Variants in VPS33B observed in about 807,000 individuals in gnomAD.
VPS33B encodes VPS33B late endosome and lysosome associated.
In VPS33B, 80 loss-of-function variants were observed where a neutral mutation model predicts 95.3. That is an observed-to-expected ratio of 0.84 (90% CI 0.70 to 1.01). The LOEUF is 1.01. Ranked by LOEUF, VPS33B falls within the 50% of genes least tolerant of loss-of-function variation. The probability of loss-of-function intolerance (pLI) is 0.00; values close to 1 mark genes in which losing one functional copy is unlikely to be tolerated. For missense variants in VPS33B, 715 were observed against 773.4 expected, an observed-to-expected ratio of 0.92 and a Z score of 0.90; for synonymous variants, 280 against 280.4, an observed-to-expected ratio of 1.00 and a Z score of 0.01.
Position 91,006,115 on chromosome 15 carries a change from T to G in VPS33B, c.853-56A>C. On this transcript the variant is annotated intron_variant, in intron 11 of 22. Coordinates refer to ENST00000333371, the MANE Select transcript of VPS33B (RefSeq NM_018668.5). This position sits in a 1 kb window ranked among gnomAD's most constrained non-coding sequence, Gnocchi z 5.4. ...CTCTGTCAGAACCATAACTTAGCAG[T>G]AGAATGACAGTACAGGAAGGGTACT... 1.3e-6 allele frequency: 2 copies of G among 1,586,444 alleles called. No individual in the cohort carries two copies. The highest frequency in any genetic ancestry group is 2.7e-5 in the African/African-American group (2 of 74,500).
In VPS33B at chr15:91,005,729, T is replaced by G; in HGVS notation, c.995A>C (p.Lys332Thr). The G allele has an allele frequency of 1.9e-6, 3 of 1,614,168 alleles. No individual in the cohort carries two copies. Among genetic ancestry groups the G allele is most frequent in the Non-Finnish European group, 2.5e-6 (3 of 1,180,014 alleles). ...QMKNFVSQELKGLKQEHRLLS... is the reference protein window; with the variant it reads ...QMKNFVSQELTGLKQEHRLLS... ...CAGGCGGTGCTCCTGTTTCAGGCCC[T>G]TGAGCTCCTGGGACACGAAATTCTT... The change falls in exon 13 of 23, where the codon AAG (lysine) becomes ACG (threonine). Residue 332 changes from lysine (K) to threonine (T), a missense_variant. Transcript: ENST00000333371. The surrounding 1 kb of genome is among the most constrained non-coding windows in gnomAD (Gnocchi z 6.4).
chr15:91,022,036 A>C, intron 1 of VPS33B, 118 bp downstream of exon 1: 1 of 1,163,418 alleles, frequency 8.6e-7, no homozygotes, highest in Non-Finnish European at 1.2e-6. Flanking sequence ...CTGCTGGGGA[A>C]GCGCCAAGGA....
At position 90,999,563 on chromosome 15, in the gene VPS33B, CCCGCCT is replaced by C; in HGVS notation, c.1774+108_1774+113del. The C allele has an allele frequency of 1.0e-5, 11 of 1,103,112 alleles. No homozygotes were observed. Among genetic ancestry groups the C allele is most frequent in the Non-Finnish European group, 1.5e-5 (11 of 726,604 alleles). 68.3% of individuals were successfully genotyped at this position (1,103,112 alleles called of 1,614,324 possible). The stretch of plus-strand genomic sequence containing the variant: ...CTAACTCCTGACCTCAGGTGATCTG[CCCGCCT>C]CCGCCTCCCAAAGTGCTGAGATTAC... On this transcript the variant is annotated intron_variant, in intron 22 of 22. Coordinates refer to ENST00000333371, the MANE Select transcript of VPS33B (RefSeq NM_018668.5). The surrounding 1 kb of genome is among the most constrained non-coding windows in gnomAD (Gnocchi z 5.1).
Position 91,017,368 on chromosome 15 carries a change from ATATATATATATATATATATAT to A in VPS33B, c.178-365_178-345del, listed in dbSNP as rs1356892172. 2.6e-3 allele frequency among the ~76,000 whole-genome samples: 93 copies of A among 35,256 alleles called. 24 individuals are homozygous for A. Among genetic ancestry groups the A allele is most frequent in the African/African-American group, 8.7e-3 (93 of 10,704 alleles). The allele number at this position is 35,256 out of a possible 152,430, so 23.1% of individuals were successfully genotyped here. A position where few individuals can be genotyped will look rare whatever the true frequency, so the allele number is the denominator to read the frequency against. On this transcript the variant is annotated intron_variant, in intron 2 of 22. Coordinates refer to ENST00000333371, the MANE Select transcript of VPS33B (RefSeq NM_018668.5). ...CAAGACTCCATCTCTACAAAATTAAATATATATATATATATATATATATATATATATATATATATATATATA... is the reference window on the plus strand; with the variant it reads ...CAAGACTCCATCTCTACAAAATTAAAATATATATATATATATATATATATA...
chr15:91,014,315 T>C, intron 4 of VPS33B, 69 bp downstream of exon 4: 2 of 1,535,418 alleles, frequency 1.3e-6, no homozygotes, highest in Non-Finnish European at 9.0e-7. Context: ...TAGAGGGTCC[T>C]TATGGCCAAG....
rs1409277471 is a variant in VPS33B, at chr15:91,007,899, G to C, written c.469C>G (p.Leu157Val). The C allele has an allele frequency of 1.2e-6, 2 of 1,614,218 alleles. No individual in the cohort carries two copies. The highest frequency in any genetic ancestry group is 2.2e-5 in the South Asian group (2 of 91,084). Residue 157 changes from leucine (L) to valine (V), a missense_variant, in exon 7 of 23, where the codon CTA becomes GTA. Physicochemically the swap from Leu to Val is conservative, Grantham distance 32 (BLOSUM62 1). Coordinates refer to ENST00000333371, the MANE Select transcript of VPS33B (RefSeq NM_018668.5). This position sits in a 1 kb window ranked among gnomAD's most constrained non-coding sequence, Gnocchi z 5.3. ...AAGTAATCCCTGAAAAATTCTGGTA[G>C]TTCCATGCTCAGCAGATCCACATCA... ...PLDVDLLSME[L>V]PEFFRDYFLE...
chr15:91,015,610 A>G lies in VPS33B; in HGVS notation c.240-1177T>C, dbSNP rs1168535328. Among the ~76,000 whole-genome samples the G allele has an allele frequency of 1.3e-5, 2 of 151,920 alleles. No individual in the cohort carries two copies. Among genetic ancestry groups the G allele is most frequent in the Non-Finnish European group, 2.9e-5 (2 of 67,964 alleles). ...AGAATTGCTTGAACCTGGGAGGCAG[A>G]TCCCGCCACTGCACTCCAACCTGGG... On this transcript the variant is annotated intron_variant, in intron 3 of 22. Transcript: ENST00000333371. The surrounding 1 kb of genome is among the most constrained non-coding windows in gnomAD (Gnocchi z 4.7).
chr15:91,020,605 G>A (rs1049705321), intron 1 of VPS33B, among the ~76,000 whole-genome samples: 4 of 152,232 alleles, frequency 2.6e-5, no homozygotes, highest in Admixed American at 6.5e-5. Flanking sequence ...AAGAAGCCGG[G>A]AGTGGTAGCT....
At chr15:91,008,220 TAGAGGGCTGACCAAA>T (rs1375729202) in intron 6 of VPS33B, among the ~76,000 whole-genome samples, 3 of 152,196 alleles carry the variant, frequency 2.0e-5, no homozygotes, top group Admixed American at 6.5e-5. Context: ...GGGTTTTTAC[TAGAGGGCTGACCAAA>T]AGTGCCGAGA....
At position 91,005,345 on chromosome 15, in the gene VPS33B, C is replaced by T. The variant is rs112056441; in HGVS notation, c.1105+35G>A. 6,505 of 1,614,088 alleles carry T rather than the reference C, an allele frequency of 4.0e-3. 246 individuals are homozygous for T. In the African/African-American group the frequency reaches 0.077, roughly 19 times the overall value. On this transcript the variant is annotated intron_variant, in intron 14 of 22. Transcript: ENST00000333371. This position sits in a 1 kb window ranked among gnomAD's most constrained non-coding sequence, Gnocchi z 6.4. Reference sequence around the variant, plus strand: ...GGGCTGGGAGCTGGGGAAGTAGAAGCGTGGGCAGTAGCACAGCAAGGCTGC... The same window carrying T: ...GGGCTGGGAGCTGGGGAAGTAGAAGTGTGGGCAGTAGCACAGCAAGGCTGC...
rs1000920719 is a variant in VPS33B, at chr15:91,018,004, G to A, written c.97-119C>T. 1.1e-5 allele frequency: 9 copies of A among 823,448 alleles called. No homozygotes were observed. The highest frequency in any genetic ancestry group is 2.2e-4 in the Middle Eastern group (1 of 4,450). 51.0% of individuals were successfully genotyped at this position (823,448 alleles called of 1,614,324 possible). ...CTGAGGTGGGAGGGCACTAAGTATC[G>A]TCTAGCCCGTCACCTTATTTATTAT... On this transcript the variant is annotated intron_variant, in intron 1 of 22. Transcript: ENST00000333371. This position sits in a 1 kb window ranked among gnomAD's most constrained non-coding sequence, Gnocchi z 4.7.
rs2040576855 is a variant in VPS33B at position 91,005,548 on chromosome 15, C to G, written c.1031-94G>C. 1 of 1,595,224 alleles carries G rather than the reference C, an allele frequency of 6.3e-7. No homozygotes were observed. The highest frequency in any genetic ancestry group is 8.6e-7 in the Non-Finnish European group (1 of 1,163,222). On this transcript the variant is annotated intron_variant, in intron 13 of 22. Coordinates refer to ENST00000333371, the MANE Select transcript of VPS33B (RefSeq NM_018668.5). This position sits in a 1 kb window ranked among gnomAD's most constrained non-coding sequence, Gnocchi z 6.4. ...AATAAAAAACCTCCTAAGGCAAAAT[C>G]CGAAAGCACTTCTTCCCACTTTACA...
Position 90,999,841 on chromosome 15 carries a change from G to C in VPS33B, c.1658-48C>G. On this transcript the variant is annotated intron_variant, in intron 21 of 22. Transcript: ENST00000333371. The surrounding 1 kb of genome is among the most constrained non-coding windows in gnomAD (Gnocchi z 5.1). ...AGCCCTTCCCTGACATGCTAGTCCT[G>C]AGTGGTGCATCCAGCCCACCTCTCA... The C allele has an allele frequency of 6.2e-7, 1 of 1,613,844 alleles. No homozygotes were observed. The highest frequency in any genetic ancestry group is 8.5e-7 in the Non-Finnish European group (1 of 1,179,824).
rs1233985202 is a variant in VPS33B at position 91,009,247 on chromosome 15, T to TTCCC, written c.403+550_403+553dup. Among the ~76,000 whole-genome samples the TTCCC allele has an allele frequency of 6.6e-6, 1 of 151,882 alleles. No individual in the cohort carries two copies. Among genetic ancestry groups the TTCCC allele is most frequent in the African/African-American group, 2.4e-5 (1 of 41,290 alleles). On this transcript the variant is annotated intron_variant, in intron 6 of 22. Coordinates refer to ENST00000333371, the MANE Select transcript of VPS33B (RefSeq NM_018668.5). This position sits in a 1 kb window ranked among gnomAD's most constrained non-coding sequence, Gnocchi z 4.1. ...GAGTGTTCTTTTCTTATCCTTTCTT[T>TTCCC]TCCCTCCCTCCCTCTCTCTCTTTCT...
In VPS33B at chr15:91,003,107, G is replaced by C; in HGVS notation, c.1250C>G (p.Ser417Cys). The C allele has an allele frequency of 6.2e-7, 1 of 1,614,174 alleles. No homozygotes were observed. The highest frequency in any genetic ancestry group is 8.5e-7 in the Non-Finnish European group (1 of 1,180,038). The change falls in exon 17 of 23, where the codon TCT becomes TGT. Residue 417 changes from serine to cysteine, a missense_variant. Physicochemically the swap from Ser to Cys is moderately radical, Grantham distance 112. Coordinates refer to ENST00000333371, the MANE Select transcript of VPS33B (RefSeq NM_018668.5). The stretch of plus-strand genomic sequence containing the variant: ...TACCTGCAGATACTGTGTTTTCAGA[G>C]ATCGGTAATCCTTGGGGATCAAACC... Reference protein sequence around the residue: ...ENGLIPKDYRSLKTQYLQSYG... With the variant: ...ENGLIPKDYRCLKTQYLQSYG...
rs2040752199 is a variant in VPS33B at position 91,010,567 on chromosome 15, C to A, written c.358-721G>T. Among the ~76,000 whole-genome samples the A allele has an allele frequency of 1.3e-5, 2 of 152,152 alleles. No homozygotes were observed. Among genetic ancestry groups the A allele is most frequent in the South Asian group, 4.1e-4 (2 of 4,828 alleles). On this transcript the variant is annotated intron_variant, in intron 5 of 22. Coordinates refer to ENST00000333371, the MANE Select transcript of VPS33B (RefSeq NM_018668.5). This position sits in a 1 kb window ranked among gnomAD's most constrained non-coding sequence, Gnocchi z 5.7. Reference sequence around the variant, plus strand: ...ACTGAGCTGAGATTGTGCCACTGCACTCCAGCCTGGGCAACAGAGTGAGGC... The same window carrying A: ...ACTGAGCTGAGATTGTGCCACTGCAATCCAGCCTGGGCAACAGAGTGAGGC...
In VPS33B at chr15:91,007,728, CT is replaced by C; in HGVS notation, c.498+141del. The C allele has an allele frequency of 8.7e-7, 1 of 1,145,398 alleles. No individual in the cohort carries two copies. The highest frequency in any genetic ancestry group is 1.3e-6 in the Non-Finnish European group (1 of 758,876). The allele number at this position is 1,145,398 out of a possible 1,614,324, so 71.0% of individuals were successfully genotyped here. A position where few individuals can be genotyped will look rare whatever the true frequency, so the allele number is the denominator to read the frequency against. On this transcript the variant is annotated intron_variant, in intron 7 of 22. Transcript: ENST00000333371. This position sits in a 1 kb window ranked among gnomAD's most constrained non-coding sequence, Gnocchi z 5.3. ...CACAGGAAGTCCCACAGAGACCAATCTGTAGCACTCAATCACCACATCACTA... is the reference window on the plus strand; with the variant it reads ...CACAGGAAGTCCCACAGAGACCAATCGTAGCACTCAATCACCACATCACTA...
chr15:91,013,828 G>T lies in VPS33B; in HGVS notation c.333C>A (p.Tyr111Ter). Residue 111 changes from tyrosine to a stop codon, truncating the protein, a stop_gained, in exon 5 of 23, where the codon TAC (tyrosine) becomes TAA (stop). Coordinates refer to ENST00000333371, the MANE Select transcript of VPS33B (RefSeq NM_018668.5). LOFTEE classifies it high-confidence loss of function. This position sits in a 1 kb window ranked among gnomAD's most constrained non-coding sequence, Gnocchi z 4.5. ...CCTTTTGAGGGCTGAAGATCACTTTGTATTTGCGAGTTCGGCCAGCCAATT... is the reference window on the plus strand; with the variant it reads ...CCTTTTGAGGGCTGAAGATCACTTTTTATTTGCGAGTTCGGCCAGCCAATT... ...ADKLAGRTRKYKVIFSPQKFY... is the reference protein window; with the variant it reads ...ADKLAGRTRK The T allele has an allele frequency of 6.2e-7, 1 of 1,614,122 alleles. No individual in the cohort carries two copies. The highest frequency in any genetic ancestry group is 8.5e-7 in the Non-Finnish European group (1 of 1,180,018).
At chr15:91,004,267 G>A (rs35096138) in intron 16 of VPS33B, among the ~76,000 whole-genome samples, 10,900 of 150,846 alleles carry the variant, frequency 0.072, 513 homozygotes, top group South Asian at 0.16. Flanking sequence ...CAACCTTCAA[G>A]AATATTCACC....
Sources: gnomAD v4.1 joint callset for allele counts (sites outside exome capture counted in the v4.1 genomes callset) on GRCh38, gnomAD v4.1.1 for gene constraint, Gnocchi (gnomAD v3.1) non-coding constraint, MANE v1.5 for transcripts, NCBI Gene and HGNC (gene_info 2026-07-23, HGNC 2026-07-21) for gene names.